SS18: variants seen among roughly 807,000 people sequenced by gnomAD.
The protein encoded by SS18 is protein SSXT.
Under a neutral mutation model 72.5 loss-of-function variants are expected in SS18, and 28 were observed. The observed-to-expected ratio is 0.39, with a 90% CI of 0.29 to 0.53. The LOEUF (loss-of-function observed/expected upper bound fraction) is 0.53, where lower values mean the gene tolerates loss of function less well. Among genes scored for constraint, SS18 ranks in the 20% least tolerant of loss-of-function variants. SS18 has a pLI of 0.76. For synonymous variants in SS18, 172 were observed against 164.2 expected (o/e 1.05, Z -0.37); for missense variants, 518 against 535.3 (o/e 0.97, Z 0.32).
chr18:26,090,426 C>G (rs1035886986), intron 1 of SS18, 75 bp downstream of exon 1: 23 of 1,470,922 alleles, frequency 1.6e-5, no homozygotes, highest in Non-Finnish European at 2.0e-5. Flanking sequence ...CGACTCCGGG[C>G]CCGGCCCTTC....
intron 4 of SS18, among the ~76,000 whole-genome samples, chr18:26,054,556 AT>A: frequency 6.6e-6 from 1 of 152,304 alleles, no homozygotes; most frequent in South Asian, 2.1e-4. Context: ...AAAGAACATG[AT>A]AGAGACCAAA....
At chr18:26,024,427 C>T (rs1480449649) in intron 10 of SS18, among the ~76,000 whole-genome samples, 1 of 152,160 alleles carries the variant, frequency 6.6e-6, no homozygotes, top group African/African-American at 2.4e-5. Flanking sequence ...TGGGTTCATG[C>T]AATCTTCTGC....
rs550463686 is a variant in SS18 at position 26,035,738 on chromosome 18, G to C, written c.973+93C>G. ...AAAGCCAGCAACTAGTATTCTACAA[G>C]AGCTTTGCATGGGTAGAAGTTGTCT... On this transcript the variant is annotated intron_variant, in intron 8 of 10. Coordinates refer to ENST00000415083, the MANE Select transcript of SS18 (RefSeq NM_001007559.3). This position sits in a 1 kb window ranked among gnomAD's most constrained non-coding sequence, Gnocchi z 4.4. The C allele has an allele frequency of 1.3e-5, 10 of 752,608 alleles. No individual in the cohort carries two copies. In the African/African-American group the frequency reaches 1.4e-4, roughly 11 times the overall value. The allele number at this position is 752,608 out of a possible 1,614,324, so 46.6% of individuals were successfully genotyped here. A position where few individuals can be genotyped will look rare whatever the true frequency, so the allele number is the denominator to read the frequency against.
At chr18:26,027,720 G>C (rs879416379) in intron 10 of SS18, among the ~76,000 whole-genome samples, 3 of 91,538 alleles carry the variant, frequency 3.3e-5, no homozygotes, top group African/African-American at 7.4e-5. Context: ...TTCAACAAAT[G>C]ACTCTGAGAA....
At position 26,035,178 on chromosome 18, in the gene SS18, A is replaced by G; in HGVS notation, c.974-51T>C. ...AAAAAACTGAGAAGTCTGCTTAAGT[A>G]ACTTTTTTCCCTCTAAGATGCATAG... On this transcript the variant is annotated intron_variant, in intron 8 of 10. Coordinates refer to ENST00000415083, the MANE Select transcript of SS18 (RefSeq NM_001007559.3). The surrounding 1 kb of genome is among the most constrained non-coding windows in gnomAD (Gnocchi z 4.4). The G allele has an allele frequency of 6.3e-7, 1 of 1,598,236 alleles. No individual in the cohort carries two copies. The highest frequency in any genetic ancestry group is 8.5e-7 in the Non-Finnish European group (1 of 1,170,666).
chr18:26,088,718 G>A (rs890124265), intron 1 of SS18, among the ~76,000 whole-genome samples: 1 of 152,158 alleles, frequency 6.6e-6, no homozygotes, highest in South Asian at 2.1e-4. Context: ...TCAGCTGTAA[G>A]ATCAAGGGAC....
chr18:26,035,647 G>A lies in SS18; in HGVS notation c.973+184C>T. The A allele has an allele frequency of 2.4e-6, 1 of 417,572 alleles. No homozygotes were observed. Among genetic ancestry groups the A allele is most frequent in the South Asian group, 8.8e-5 (1 of 11,384 alleles). 25.9% of individuals were successfully genotyped at this position (417,572 alleles called of 1,614,324 possible). On this transcript the variant is annotated intron_variant, in intron 8 of 10. Transcript: ENST00000415083. The surrounding 1 kb of genome is among the most constrained non-coding windows in gnomAD (Gnocchi z 4.4). ...TTATTGTTAGAAATGGCAAGTCATG[G>A]TTATACATTTTAAATATTTGTAAGG...
At chr18:26,067,141 A>T (rs761127428) in intron 3 of SS18, among the ~76,000 whole-genome samples, 6 of 152,182 alleles carry the variant, frequency 3.9e-5, no homozygotes, top group Admixed American at 2.0e-4. Flanking sequence ...TTGTACTAAA[A>T]CTCACAAAAA....
intron 10 of SS18, among the ~76,000 whole-genome samples, chr18:26,029,981 T>C (rs897892337): frequency 2.6e-5 from 4 of 152,186 alleles, no homozygotes; most frequent in African/African-American, 9.7e-5. Context: ...TCAAACACCA[T>C]GAGTCTTTAT....
intron 4 of SS18, among the ~76,000 whole-genome samples, chr18:26,054,599 AAAT>A (rs1201385296): frequency 3.9e-5 from 6 of 152,206 alleles, no homozygotes; most frequent in African/African-American, 1.4e-4. Flanking sequence ...ATATGGAATA[AAAT>A]AATGGTCTCC....
At chr18:26,064,391 A>G (rs1448678695) in intron 3 of SS18, among the ~76,000 whole-genome samples, 2 of 152,162 alleles carry the variant, frequency 1.3e-5, no homozygotes, top group Non-Finnish European at 2.9e-5. Context: ...ACAAAATTTT[A>G]GCAAATCAAA....
At position 26,021,034 on chromosome 18, in the gene SS18, A is replaced by C. The variant is rs2053340102; in HGVS notation, c.1231-2654T>G. 2.6e-5 allele frequency among the ~76,000 whole-genome samples: 4 copies of C among 152,186 alleles called. No individual in the cohort carries two copies. In the South Asian group the frequency reaches 8.3e-4, roughly 32 times the overall value. ...AGTAAATATTACCTCCATTTTATAG[A>C]AGAAGAAATGGAGGCACTGAGAGTC... On this transcript the variant is annotated intron_variant, in intron 10 of 10. Coordinates refer to ENST00000415083, the MANE Select transcript of SS18 (RefSeq NM_001007559.3).
At chr18:26,027,671 TAAAAAAAAAAAAAAAAAA>T (rs68048813) in intron 10 of SS18, among the ~76,000 whole-genome samples, 19 of 27,304 alleles carry the variant, frequency 7.0e-4, no homozygotes, top group Admixed American at 1.8e-3. Context: ...GAGACTCATC[TAAAAAAAAAAAAAAAAAA>T]AAAAAAAAAA....
At position 26,048,584 on chromosome 18, in the gene SS18, C is replaced by A. The variant is rs78736680; in HGVS notation, c.607+4040G>T. ...ATAATAAGATAATAATAAGAGAAAA[C>A]AATCTCAGCTGTGGCAATACATGCT... is the stretch of plus-strand genomic sequence containing the variant. On this transcript the variant is annotated intron_variant, in intron 5 of 10. Coordinates refer to ENST00000415083, the MANE Select transcript of SS18 (RefSeq NM_001007559.3). Among the ~76,000 whole-genome samples, 656 of 152,168 alleles carry A rather than the reference C, an allele frequency of 4.3e-3. 4 individuals carry two copies. Among genetic ancestry groups the A allele is most frequent in the African/African-American group, 0.014 (590 of 41,508 alleles).
intron 3 of SS18, among the ~76,000 whole-genome samples, chr18:26,076,034 A>G (rs584857): frequency 3.3e-5 from 5 of 152,072 alleles, no homozygotes; most frequent in Admixed American, 2.6e-4. Flanking sequence ...ATCTACAGGG[A>G]AAAATCATAA....
intron 10 of SS18, among the ~76,000 whole-genome samples, chr18:26,019,969 A>C (rs1047415490): frequency 1.3e-5 from 2 of 152,112 alleles, no homozygotes; most frequent in Non-Finnish European, 2.9e-5. Flanking sequence ...GGGGTAGATA[A>C]AACAACATTG....
At chr18:26,018,650 T>C (rs2053290879) in intron 10 of SS18, among the ~76,000 whole-genome samples, 1 of 152,200 alleles carries the variant, frequency 6.6e-6, no homozygotes, top group Non-Finnish European at 1.5e-5. Context: ...GGAACTTAAA[T>C]GTTTAGTGAA....
chr18:26,031,079 T>C (rs1329196913), intron 10 of SS18, among the ~76,000 whole-genome samples: 1 of 152,192 alleles, frequency 6.6e-6, no homozygotes, highest in Non-Finnish European at 1.5e-5. Flanking sequence ...ATGGACAGAA[T>C]CTCACTTTTT....
Position 26,039,741 on chromosome 18 carries a change from G to A in SS18, c.608-285C>T, listed in dbSNP as rs144530748. 1.7e-4 allele frequency among the ~76,000 whole-genome samples: 26 copies of A among 152,190 alleles called. No homozygotes were observed. The East Asian group carries it at 4.6e-3, about 27-fold the overall frequency. On this transcript the variant is annotated intron_variant, in intron 5 of 10. Transcript: ENST00000415083. Reference sequence around the variant, plus strand: ...AATGCATATAATATATGAACATCCTGAATGTGTGTATTTTCCATTACACAC... The same window carrying A: ...AATGCATATAATATATGAACATCCTAAATGTGTGTATTTTCCATTACACAC...
Sources: allele counts gnomAD v4.1 joint callset (sites outside exome capture counted in the v4.1 genomes callset), GRCh38; gene constraint gnomAD v4.1.1; non-coding constraint Gnocchi (gnomAD v3.1); transcripts MANE v1.5; gene names NCBI Gene and HGNC (gene_info 2026-07-23, HGNC 2026-07-21).